ASTN2: variants seen among roughly 807,000 people sequenced by gnomAD.
The protein encoded by ASTN2 is astrotactin 2, also known as astrotactin-2.
A neutral mutation model predicts 139.8 loss-of-function variants in ASTN2; 54 were observed. The observed-to-expected ratio is 0.39, with a 90% CI of 0.31 to 0.48. The LOEUF is 0.48. Among genes scored for constraint, ASTN2 ranks in the 20% least tolerant of loss-of-function variants. ASTN2 has a pLI of 0.95. For synonymous variants in ASTN2, 756 were observed against 719.5 expected (o/e 1.05, Z -0.81); for missense variants, 1,565 against 1,725.1 (o/e 0.91, Z 1.64).
At chr9:116,745,817 G>C (rs1392023329) in intron 13 of ASTN2, among the ~76,000 whole-genome samples, 1 of 152,202 alleles carries the variant, frequency 6.6e-6, no homozygotes, top group African/African-American at 2.4e-5. Context: ...TATGTCATTA[G>C]CTCCATGTAT....
intron 1 of ASTN2, among the ~76,000 whole-genome samples, chr9:117,413,560 T>C (rs1287692870): frequency 6.6e-6 from 1 of 152,126 alleles, no homozygotes; most frequent in African/African-American, 2.4e-5. Flanking sequence ...AAGCTATCAA[T>C]TACCCGGGTG....
intron 5 of ASTN2, among the ~76,000 whole-genome samples, chr9:117,046,780 C>T (rs901939283): frequency 6.6e-6 from 1 of 152,190 alleles, no homozygotes; most frequent in Non-Finnish European, 1.5e-5. Flanking sequence ...TCTCCTATTT[C>T]CAGTGCCTAT....
chr9:116,619,693 T>TC (rs1856031923), intron 18 of ASTN2, among the ~76,000 whole-genome samples: 1 of 143,232 alleles, frequency 7.0e-6, no homozygotes, highest in Non-Finnish European at 1.5e-5. Flanking sequence ...GGGCTATTTT[T>TC]TTTTTTTTTT....
rs912201400 is a variant in ASTN2, at chr9:116,486,937, G to A, written c.3497+422C>T. Among the ~76,000 whole-genome samples the A allele has an allele frequency of 2.6e-5, 4 of 152,180 alleles. No individual in the cohort carries two copies. The South Asian group carries it at 6.2e-4, about 24-fold the overall frequency. On this transcript the variant is annotated intron_variant, in intron 20 of 22. Transcript: ENST00000313400. ...TATCAGCATATATATCTCAGTATGC[G>A]TATTTCAGTCTGTATGTGTCTATAT...
intron 3 of ASTN2, among the ~76,000 whole-genome samples, chr9:117,141,855 A>T (rs1830083422): frequency 6.6e-6 from 1 of 152,230 alleles, no homozygotes; most frequent in Non-Finnish European, 1.5e-5. Context: ...GCAATAGAAG[A>T]GTACAAAATT....
At chr9:116,697,639 T>C in intron 16 of ASTN2, 2 of 1,411,658 alleles carry the variant, frequency 1.4e-6, no homozygotes, top group Non-Finnish European at 9.8e-7. Context: ...GGAAAATGAA[T>C]AATGGTTTCT....
At chr9:116,646,684 G>T (rs1001684446) in intron 17 of ASTN2, among the ~76,000 whole-genome samples, 1 of 152,114 alleles carries the variant, frequency 6.6e-6, no homozygotes, top group Non-Finnish European at 1.5e-5. Flanking sequence ...TTTGTGTTTG[G>T]GGAGGGAAAG....
chr9:116,868,448 G>A (rs1034068444), intron 10 of ASTN2, among the ~76,000 whole-genome samples: 4 of 152,234 alleles, frequency 2.6e-5, no homozygotes, highest in Non-Finnish European at 4.4e-5. Flanking sequence ...AGTAAGGCCC[G>A]TAAGAATGTG....
At chr9:116,957,638 C>T (rs1835750319) in intron 10 of ASTN2, among the ~76,000 whole-genome samples, 1 of 152,192 alleles carries the variant, frequency 6.6e-6, no homozygotes, top group African/African-American at 2.4e-5. Context: ...CAATCTGGGT[C>T]TGTTTCATGT....
At chr9:117,058,548 C>T (rs1381617385) in intron 5 of ASTN2, among the ~76,000 whole-genome samples, 3 of 152,184 alleles carry the variant, frequency 2.0e-5, no homozygotes, top group Non-Finnish European at 4.4e-5. Context: ...TATCACACAA[C>T]TAATAAAATT....
In ASTN2 at chr9:116,426,137, G is replaced by A. The variant is rs763062587; in HGVS notation, c.3783-49C>T. 9 of 1,597,908 alleles carry A rather than the reference G, an allele frequency of 5.6e-6. No homozygotes were observed. The East Asian group carries it at 1.6e-4, about 28-fold the overall frequency. ...ATGATTAAAGAAGTCCAGATCAAGA[G>A]TTAGACCTTTGAGGTAGTAAATGTC... is the stretch of plus-strand genomic sequence containing the variant. On this transcript the variant is annotated intron_variant, in intron 22 of 22. Transcript: ENST00000313400.
At chr9:116,684,741 C>T (rs545040331) in intron 16 of ASTN2, among the ~76,000 whole-genome samples, 4 of 152,280 alleles carry the variant, frequency 2.6e-5, no homozygotes, top group East Asian at 1.9e-4. Context: ...CCAGAGCAAT[C>T]GACAGCCTTT....
intron 19 of ASTN2, among the ~76,000 whole-genome samples, chr9:116,599,371 C>T (rs901371809): frequency 1.5e-4 from 23 of 152,218 alleles, no homozygotes; most frequent in African/African-American, 5.1e-4. Flanking sequence ...TTCAGATAAG[C>T]GAGAGTATTG....
chr9:116,759,383 C>A (rs1829617724), intron 13 of ASTN2, among the ~76,000 whole-genome samples: 1 of 152,176 alleles, frequency 6.6e-6, no homozygotes, highest in Admixed American at 6.5e-5. Context: ...TCAAAACATA[C>A]ATAACCGATT....
chr9:117,009,113 C>G (rs1199604777), intron 6 of ASTN2, among the ~76,000 whole-genome samples: 1 of 152,172 alleles, frequency 6.6e-6, no homozygotes, highest in African/African-American at 2.4e-5. Flanking sequence ...GCTCCAGCAG[C>G]TCTTGCCACA....
At chr9:117,330,467 A>G (rs1828668162) in intron 1 of ASTN2, among the ~76,000 whole-genome samples, 1 of 152,180 alleles carries the variant, frequency 6.6e-6, no homozygotes, top group Non-Finnish European at 1.5e-5. Context: ...AGCAGAAGAG[A>G]ATAGAGGACG....
At chr9:117,003,953 C>CGCGCGCGCGCGTGTGTGTGTGTGTGT (rs1218309835) in intron 7 of ASTN2, among the ~76,000 whole-genome samples, 1 of 146,226 alleles carries the variant, frequency 6.8e-6, no homozygotes, top group African/African-American at 2.6e-5. Flanking sequence ...CGCGCGCGCG[C>CGCGCGCGCGCGTGTGTGTGTGTGTGT]GTGTGTGTGT....
At chr9:117,173,464 A>G (rs1830841667) in intron 3 of ASTN2, among the ~76,000 whole-genome samples, 1 of 152,302 alleles carries the variant, frequency 6.6e-6, no homozygotes, top group South Asian at 2.1e-4. Flanking sequence ...ACACACAGAA[A>G]CTATTTATAA....
intron 10 of ASTN2, among the ~76,000 whole-genome samples, chr9:116,866,123 C>G (rs1316276605): frequency 6.6e-6 from 1 of 152,134 alleles, no homozygotes; most frequent in Non-Finnish European, 1.5e-5. Flanking sequence ...TCACAGTCTC[C>G]CAGAGAGACT....
Sources: gnomAD v4.1 joint callset for allele counts (sites outside exome capture counted in the v4.1 genomes callset) on GRCh38, gnomAD v4.1.1 for gene constraint, MANE v1.5 for transcripts, NCBI Gene and HGNC (gene_info 2026-07-23, HGNC 2026-07-21) for gene names.